TEK: variants seen among roughly 807,000 people sequenced by gnomAD.
The protein encoded by TEK is angiopoietin-1 receptor.
Under a neutral mutation model 131.8 loss-of-function variants are expected in TEK, and 43 were observed. The observed-to-expected ratio is 0.33, with a 90% CI of 0.26 to 0.42. The LOEUF is 0.42. TEK is among the 10% of genes least tolerant of loss of function. The pLI is 1.00. For missense variants in TEK, 1,162 were observed against 1,384.4 expected (o/e 0.84, Z 2.55); for synonymous variants, 580 against 491.6 (o/e 1.18, Z -2.38).
Position 27,212,805 on chromosome 9 carries a change from G to A in TEK, c.2785G>A (p.Ala929Thr). 6.2e-7 allele frequency: 1 copy of A among 1,614,056 alleles called. No individual in the cohort carries two copies. The highest frequency in any genetic ancestry group is 1.1e-5 in the South Asian group (1 of 91,074). ...GGAGACGGACCCAGCATTTGCCATT[G>A]CCAATAGCACCGCGTCCACACTGTC... is the stretch of plus-strand genomic sequence containing the variant. ...VLETDPAFAI[A>T]NSTASTLSSQ... is the part of the protein sequence containing the mutation. The change falls in exon 17 of 23, where the codon GCC becomes ACC. Residue 929 changes from alanine to threonine, a missense_variant. Ala to Thr is a moderately conservative substitution (Grantham distance 58). Transcript: ENST00000380036.
At chr9:27,139,854 A>G (rs1227388458) in intron 1 of TEK, among the ~76,000 whole-genome samples, 3 of 152,116 alleles carry the variant, frequency 2.0e-5, no homozygotes, top group Non-Finnish European at 4.4e-5. Context: ...ACAGTTGTAT[A>G]CTAGTTTGTC....
At chr9:27,152,264 GGTA>G (rs1344721261) in intron 1 of TEK, among the ~76,000 whole-genome samples, 3 of 152,150 alleles carry the variant, frequency 2.0e-5, no homozygotes, top group African/African-American at 7.2e-5. Flanking sequence ...ACAATTCTGA[GGTA>G]GTAAGAAGCA....
At chr9:27,170,976 G>A (rs940577184) in intron 4 of TEK, among the ~76,000 whole-genome samples, 1 of 152,118 alleles carries the variant, frequency 6.6e-6, no homozygotes, top group African/African-American at 2.4e-5. Context: ...GCTCTAGGGG[G>A]ATGAGTTGGA....
intron 9 of TEK, among the ~76,000 whole-genome samples, chr9:27,187,423 G>A: frequency 6.6e-6 from 1 of 152,166 alleles, no homozygotes; most frequent in African/African-American, 2.4e-5. Flanking sequence ...TACTTAGCCT[G>A]GGAACCAGCA....
At chr9:27,135,215 C>CTT (rs34646855) in intron 1 of TEK, among the ~76,000 whole-genome samples, 3 of 141,694 alleles carry the variant, frequency 2.1e-5, no homozygotes, top group South Asian at 2.3e-4. Flanking sequence ...CAGAGTGAGA[C>CTT]TTTTTTTTTT....
At chr9:27,195,694 G>A in intron 11 of TEK, 1 of 456,004 alleles carries the variant, frequency 2.2e-6, no homozygotes, top group Non-Finnish European at 4.4e-6. Flanking sequence ...CATCTCGAAA[G>A]AAGGAAGGGA....
chr9:27,195,732 C>T, intron 11 of TEK: 3 of 454,616 alleles, frequency 6.6e-6, no homozygotes, highest in Non-Finnish European at 8.8e-6. Context: ...AATAGAGCCC[C>T]TAACACCTTC....
At chr9:27,133,750 T>C (rs1189290982) in intron 1 of TEK, among the ~76,000 whole-genome samples, 1 of 152,222 alleles carries the variant, frequency 6.6e-6, no homozygotes, top group African/African-American at 2.4e-5. Context: ...CTGGGATCTT[T>C]ACCCCTATTT....
At chr9:27,137,714 C>G (rs1250595794) in intron 1 of TEK, among the ~76,000 whole-genome samples, 1 of 152,170 alleles carries the variant, frequency 6.6e-6, no homozygotes, top group East Asian at 1.9e-4. Flanking sequence ...ATTTTAGTTA[C>G]AAAGAGATCC....
At chr9:27,127,966 A>C (rs1822053416) in intron 1 of TEK, among the ~76,000 whole-genome samples, 1 of 152,152 alleles carries the variant, frequency 6.6e-6, no homozygotes, top group African/African-American at 2.4e-5. Context: ...GCTGTGCAGA[A>C]GCTCTTTAGT....
intron 3 of TEK, among the ~76,000 whole-genome samples, 179 bp downstream of exon 3, chr9:27,168,784 T>A (rs914560033): frequency 7.2e-5 from 11 of 152,228 alleles, no homozygotes; most frequent in Non-Finnish European, 1.2e-4. Flanking sequence ...ATTTGGTTAC[T>A]TAAGGATATT....
chr9:27,160,524 T>C (rs1823510069), intron 2 of TEK, among the ~76,000 whole-genome samples: 1 of 152,214 alleles, frequency 6.6e-6, no homozygotes, highest in South Asian at 2.1e-4. Flanking sequence ...CCTGGGATTA[T>C]GCAGTTCTAC....
intron 1 of TEK, among the ~76,000 whole-genome samples, chr9:27,154,456 TAGTC>T (rs1367849027): frequency 6.6e-6 from 1 of 152,168 alleles, no homozygotes; most frequent in African/African-American, 2.4e-5. Context: ...GTGTGAATAA[TAGTC>T]AAATTGTTCA....
chr9:27,227,062 G>A (rs749299178), intron 21 of TEK, among the ~76,000 whole-genome samples: 8 of 152,146 alleles, frequency 5.3e-5, no homozygotes, highest in Non-Finnish European at 1.0e-4. Context: ...ACTTCATAAG[G>A]GGTGAGAAGA....
intron 13 of TEK, among the ~76,000 whole-genome samples, chr9:27,203,766 T>C (rs12553606): frequency 0.088 from 13,440 of 152,336 alleles, 697 homozygotes; most frequent in South Asian, 0.16. Context: ...CTCTGTGTTG[T>C]GTACAATGTG....
At chr9:27,132,501 C>T (rs1049206943) in intron 1 of TEK, among the ~76,000 whole-genome samples, 2 of 151,968 alleles carry the variant, frequency 1.3e-5, no homozygotes, top group African/African-American at 4.8e-5. Context: ...AAAAAGATTC[C>T]AGAGACAGTG....
chr9:27,115,455 T>TTGC (rs555334215), intron 1 of TEK, among the ~76,000 whole-genome samples: 4 of 152,046 alleles, frequency 2.6e-5, no homozygotes, highest in Non-Finnish European at 5.9e-5. Flanking sequence ...GCCATGATCA[T>TTGC]ACCACTGCCC....
intron 1 of TEK, among the ~76,000 whole-genome samples, chr9:27,122,319 C>G (rs1821824184): frequency 6.6e-6 from 1 of 152,026 alleles, no homozygotes; most frequent in Non-Finnish European, 1.5e-5. Context: ...AAACAGGGAT[C>G]TCACCAGGAG....
chr9:27,142,516 G>A (rs770113438), intron 1 of TEK, among the ~76,000 whole-genome samples: 3 of 152,234 alleles, frequency 2.0e-5, no homozygotes, highest in Non-Finnish European at 2.9e-5. Flanking sequence ...TAATTTCTGG[G>A]CTAAGGCCAT....
Sources: gnomAD v4.1 joint callset for allele counts (sites outside exome capture counted in the v4.1 genomes callset) on GRCh38, gnomAD v4.1.1 for gene constraint, MANE v1.5 for transcripts, NCBI Gene and HGNC (gene_info 2026-07-23, HGNC 2026-07-21) for gene names.